Variants in FGF12 observed in about 807,000 individuals in gnomAD.
FGF12 encodes fibroblast growth factor 12B.
A neutral mutation model predicts 23.6 loss-of-function variants in FGF12; 14 were observed. The ratio of observed to expected loss-of-function variants is 0.59; its 90% CI spans 0.39 to 0.93. FGF12 has a LOEUF of 0.93. Ranked by LOEUF, FGF12 falls within the 40% of genes least tolerant of loss-of-function variation. FGF12 has a pLI of 0.00. For synonymous variants in FGF12, 62 were observed against 77.3 expected, an observed-to-expected ratio of 0.80 and a Z score of 1.04; for missense variants, 175 against 217.8, an observed-to-expected ratio of 0.80 and a Z score of 1.24.
intron 3 of FGF12, among the ~76,000 whole-genome samples, chr3:192,347,537 T>C (rs1398116545): frequency 6.6e-6 from 1 of 152,104 alleles, no homozygotes; most frequent in East Asian, 1.9e-4. Context: ...TCAGTAGGGC[T>C]TTTCTGCCCA....
intron 4 of FGF12, among the ~76,000 whole-genome samples, chr3:192,289,410 T>A (rs568337417): frequency 6.6e-6 from 1 of 152,134 alleles, no homozygotes; most frequent in South Asian, 2.1e-4. Context: ...CAGGATAGCG[T>A]CTCAGCTTTT....
intron 4 of FGF12, among the ~76,000 whole-genome samples, chr3:192,273,651 C>T (rs959266506): frequency 6.6e-6 from 1 of 152,128 alleles, no homozygotes; most frequent in African/African-American, 2.4e-5. Context: ...GCATGGTACA[C>T]CCTCAGTAAA....
chr3:192,232,677 G>GT (rs1022053489), intron 4 of FGF12, among the ~76,000 whole-genome samples: 1 of 151,926 alleles, frequency 6.6e-6, no homozygotes, highest in Non-Finnish European at 1.5e-5. Context: ...TTGATAGGTA[G>GT]TTTTTTTGAC....
chr3:192,533,125 ATACTT>A (rs1298417176), intron 2 of FGF12, among the ~76,000 whole-genome samples: 1 of 152,232 alleles, frequency 6.6e-6, no homozygotes, highest in Non-Finnish European at 1.5e-5. Flanking sequence ...AACTGGTTGA[ATACTT>A]CACTTCTTCT....
intron 2 of FGF12, among the ~76,000 whole-genome samples, chr3:192,459,815 A>AT (rs199612074): frequency 0.076 from 11,513 of 151,944 alleles, 1,382 homozygotes; most frequent in African/African-American, 0.26. Flanking sequence ...ATCTGAAAAG[A>AT]AATCTTTCCT....
intron 2 of FGF12, among the ~76,000 whole-genome samples, chr3:192,471,051 A>C (rs1723158483): frequency 6.6e-6 from 1 of 152,134 alleles, no homozygotes. Context: ...AAAGTATTTT[A>C]CTTTACATGA....
rs1715173997 is a variant in FGF12 at position 192,166,595 on chromosome 3, A to C, written c.427+3863T>G. On this transcript the variant is annotated intron_variant, in intron 5 of 5. Coordinates refer to ENST00000445105, the MANE Select transcript of FGF12 (RefSeq NM_004113.6). ...CTGCATGATTTAGGACAAATTACTCAATATCTCTGTGTTTCATTTTTCACA... is the reference window on the plus strand; with the variant it reads ...CTGCATGATTTAGGACAAATTACTCCATATCTCTGTGTTTCATTTTTCACA... Among the ~76,000 whole-genome samples, 5 of 152,352 alleles carry C rather than the reference A, an allele frequency of 3.3e-5. No homozygotes were observed. The South Asian group carries it at 8.3e-4, about 25-fold the overall frequency.
intron 2 of FGF12, among the ~76,000 whole-genome samples, chr3:192,711,459 CATT>C (rs1300911289): frequency 6.6e-6 from 1 of 151,742 alleles, no homozygotes; most frequent in Admixed American, 6.6e-5. Flanking sequence ...CCCAACAGCT[CATT>C]GAGAACGGGC....
chr3:192,719,428 G>C (rs1182539331), intron 2 of FGF12, among the ~76,000 whole-genome samples: 1 of 152,012 alleles, frequency 6.6e-6, no homozygotes, highest in Non-Finnish European at 1.5e-5. Context: ...TGTTTTTTAT[G>C]CTGATGCAAA....
At chr3:192,332,283 A>G (rs1577360971) in intron 4 of FGF12, among the ~76,000 whole-genome samples, 1 of 152,228 alleles carries the variant, frequency 6.6e-6, no homozygotes, top group East Asian at 1.9e-4. Flanking sequence ...TGATTTATGT[A>G]TGATTAAAAA....
At chr3:192,348,411 A>C (rs192967868) in intron 3 of FGF12, among the ~76,000 whole-genome samples, 127 of 152,294 alleles carry the variant, frequency 8.3e-4, no homozygotes, top group African/African-American at 2.9e-3. Flanking sequence ...GATATATGAA[A>C]TAGGCAACCA....
chr3:192,264,238 T>C (rs1286393261), intron 4 of FGF12, among the ~76,000 whole-genome samples: 1 of 152,118 alleles, frequency 6.6e-6, no homozygotes, highest in African/African-American at 2.4e-5. Context: ...AAGCACACGA[T>C]AACTAAATTG....
At chr3:192,423,272 ATG>A (rs1460892101) in intron 2 of FGF12, among the ~76,000 whole-genome samples, 1 of 152,162 alleles carries the variant, frequency 6.6e-6, no homozygotes, top group Non-Finnish European at 1.5e-5. Context: ...AGCCACTAAA[ATG>A]TGTGAGTGTT....
chr3:192,266,013 A>T (rs1713056201), intron 4 of FGF12, among the ~76,000 whole-genome samples: 1 of 152,208 alleles, frequency 6.6e-6, no homozygotes, highest in Non-Finnish European at 1.5e-5. Context: ...TGTTTTGCAC[A>T]TAAAAAGCAC....
rs1717430268 is a variant in FGF12 at position 192,336,603 on chromosome 3, A to G, written c.125-1139T>C. Among the ~76,000 whole-genome samples the G allele has an allele frequency of 3.3e-5, 5 of 152,188 alleles. No homozygotes were observed. Among genetic ancestry groups the G allele is most frequent in the Admixed American group, 3.3e-4 (5 of 15,266 alleles). On this transcript the variant is annotated intron_variant, in intron 3 of 5. Transcript: ENST00000445105. This position sits in a 1 kb window ranked among gnomAD's most constrained non-coding sequence, Gnocchi z 4.3. ...TGTATGCATAAGAGAATATCTCTGC[A>G]GTTCATTTCAGTATCCTGGCTTAAT...
intron 5 of FGF12, among the ~76,000 whole-genome samples, chr3:192,153,215 T>C (rs1226966771): frequency 1.4e-4 from 5 of 34,490 alleles, no homozygotes; most frequent in East Asian, 9.7e-4. Context: ...TGTCTCTGCA[T>C]GTGAGATGGG....
intron 2 of FGF12, among the ~76,000 whole-genome samples, chr3:192,646,912 C>T (rs1716027302): frequency 6.6e-6 from 1 of 152,114 alleles, no homozygotes; most frequent in Admixed American, 6.6e-5. Context: ...TGGGAGACCT[C>T]CTTGCATCCT....
At chr3:192,349,962 C>T (rs1282519418) in intron 3 of FGF12, among the ~76,000 whole-genome samples, 9 of 152,150 alleles carry the variant, frequency 5.9e-5, no homozygotes, top group Non-Finnish European at 8.8e-5. Flanking sequence ...GTACAAAATG[C>T]AGATAAAGCT....
At position 192,498,091 on chromosome 3, in the gene FGF12, T is replaced by C. The variant is rs141950265; in HGVS notation, c.14-137553A>G. Among the ~76,000 whole-genome samples, 11 of 152,360 alleles carry C rather than the reference T, an allele frequency of 7.2e-5. No homozygotes were observed. In the East Asian group the frequency reaches 2.1e-3, roughly 29 times the overall value. ...TCCCTTTTACTTAAAGTGTTCTTTC[T>C]CATCACCTTCTATGCCAAGTGTATG... On this transcript the variant is annotated intron_variant, in intron 2 of 5. Transcript: ENST00000445105.
Sources: allele counts gnomAD v4.1 joint callset (sites outside exome capture counted in the v4.1 genomes callset), GRCh38; gene constraint gnomAD v4.1.1; non-coding constraint Gnocchi (gnomAD v3.1); transcripts MANE v1.5; gene names NCBI Gene and HGNC (gene_info 2026-07-23, HGNC 2026-07-21).